The following TMEM132D variants were observed in gnomAD, a reference collection of about 807,000 sequenced individuals.
TMEM132D encodes mature OL transmembrane protein.
In TMEM132D, 21 loss-of-function variants were observed where a neutral mutation model predicts 62.3. That is an observed-to-expected ratio of 0.34 (90% CI 0.24 to 0.49). The LOEUF (loss-of-function observed/expected upper bound fraction) is 0.49, where lower values mean the gene tolerates loss of function less well. Ranked by LOEUF, TMEM132D falls within the 20% of genes least tolerant of loss-of-function variation. The pLI is 0.99. For synonymous variants in TMEM132D, 621 were observed against 575.6 expected, an observed-to-expected ratio of 1.08 and a Z score of -1.13; for missense variants, 1,346 against 1,402.8, an observed-to-expected ratio of 0.96 and a Z score of 0.65.
intron 5 of TMEM132D, among the ~76,000 whole-genome samples, chr12:129,138,160 C>CTGGTAAGG (rs1876640648): frequency 1.3e-5 from 2 of 152,074 alleles, no homozygotes; most frequent in African/African-American, 2.4e-5. Context: ...GTTAGATCAC[C>CTGGTAAGG]TTACCATTGC....
intron 1 of TMEM132D, among the ~76,000 whole-genome samples, chr12:129,881,711 A>T (rs978821406): frequency 6.6e-6 from 1 of 152,020 alleles, no homozygotes; most frequent in Non-Finnish European, 1.5e-5. Flanking sequence ...AACTGATCTA[A>T]TCTTCCACAT....
In TMEM132D at chr12:129,081,637, T is replaced by A. The variant is rs1874448699; in HGVS notation, c.1923+122A>T. ...TGCTTACTCCACAATTTCTTTGAAT[T>A]TACCCATCCTAAAAATAGATACCAT... On this transcript the variant is annotated intron_variant, in intron 7 of 8. Transcript: ENST00000422113. The A allele has an allele frequency of 8.7e-6, 12 of 1,375,162 alleles. 1 individual carries two copies. In the South Asian group the frequency reaches 1.8e-4, roughly 21 times the overall value. 85.2% of individuals were successfully genotyped at this position (1,375,162 alleles called of 1,614,324 possible).
intron 1 of TMEM132D, among the ~76,000 whole-genome samples, chr12:129,825,952 T>A (rs1872651955): frequency 6.6e-6 from 1 of 152,084 alleles, no homozygotes; most frequent in African/African-American, 2.4e-5. Flanking sequence ...TAATTCCAGC[T>A]ATTCATGAGG....
chr12:129,123,831 G>C (rs964446411), intron 5 of TMEM132D, among the ~76,000 whole-genome samples: 2 of 152,088 alleles, frequency 1.3e-5, no homozygotes, highest in Non-Finnish European at 1.5e-5. Context: ...ATCCATCACT[G>C]TCTCCCCTTG....
chr12:129,357,487 G>A (rs1359580800), intron 3 of TMEM132D, among the ~76,000 whole-genome samples: 1 of 147,666 alleles, frequency 6.8e-6, no homozygotes, highest in East Asian at 2.0e-4. Context: ...AAGGAGGAAG[G>A]GAGGGAAGGA....
intron 1 of TMEM132D, among the ~76,000 whole-genome samples, chr12:129,806,603 T>G (rs963916036): frequency 6.8e-6 from 1 of 146,958 alleles, no homozygotes; most frequent in Non-Finnish European, 1.5e-5. Context: ...AGATGATGAG[T>G]TAGTGGGTGC....
chr12:129,622,213 G>A (rs1326929276), intron 2 of TMEM132D, among the ~76,000 whole-genome samples: 2 of 152,172 alleles, frequency 1.3e-5, no homozygotes, highest in African/African-American at 2.4e-5. Context: ...AAGCCAGCAA[G>A]AGTCCACAAG....
intron 3 of TMEM132D, among the ~76,000 whole-genome samples, chr12:129,524,715 T>C (rs766673719): frequency 1.3e-5 from 2 of 151,556 alleles, no homozygotes; most frequent in South Asian, 2.1e-4. Context: ...CTGACAAATA[T>C]ATCTCTAAAG....
chr12:129,176,293 C>A (rs113942088), intron 5 of TMEM132D, among the ~76,000 whole-genome samples: 4 of 152,220 alleles, frequency 2.6e-5, no homozygotes, highest in African/African-American at 9.6e-5. Context: ...CCTGTATATC[C>A]CACCCCCCAA....
At chr12:129,157,201 G>A (rs1877273617) in intron 5 of TMEM132D, among the ~76,000 whole-genome samples, 1 of 152,218 alleles carries the variant, frequency 6.6e-6, no homozygotes, top group Non-Finnish European at 1.5e-5. Context: ...ACCCACTCCT[G>A]AGATATCTAA....
intron 4 of TMEM132D, among the ~76,000 whole-genome samples, chr12:129,313,518 T>C (rs1882031594): frequency 6.6e-6 from 1 of 151,912 alleles, no homozygotes; most frequent in Non-Finnish European, 1.5e-5. Context: ...TATGGCTGTG[T>C]AGTATTCCAT....
intron 5 of TMEM132D, among the ~76,000 whole-genome samples, chr12:129,156,405 ACC>A (rs1877246626): frequency 6.6e-6 from 1 of 152,172 alleles, no homozygotes; most frequent in South Asian, 2.1e-4. Flanking sequence ...AAGATAACCA[ACC>A]CACTCTCATG....
At chr12:129,187,747 A>C (rs1878258133) in intron 5 of TMEM132D, among the ~76,000 whole-genome samples, 1 of 152,204 alleles carries the variant, frequency 6.6e-6, no homozygotes, top group Non-Finnish European at 1.5e-5. Context: ...CATCCTTCCA[A>C]ATAGGACAAA....
intron 2 of TMEM132D, among the ~76,000 whole-genome samples, chr12:129,654,233 C>T (rs1880008338): frequency 6.6e-6 from 1 of 151,894 alleles, no homozygotes; most frequent in South Asian, 2.1e-4. Context: ...AGACATGTTC[C>T]CATCAGTCTC....
intron 2 of TMEM132D, among the ~76,000 whole-genome samples, chr12:129,694,964 C>A (rs780543540): frequency 6.6e-6 from 1 of 152,152 alleles, no homozygotes; most frequent in Admixed American, 6.5e-5. Flanking sequence ...GCCGAGACCA[C>A]GCCATTGCAC....
intron 1 of TMEM132D, among the ~76,000 whole-genome samples, chr12:129,714,949 C>A (rs1051665406): frequency 1.3e-5 from 2 of 152,108 alleles, no homozygotes; most frequent in Non-Finnish European, 2.9e-5. Context: ...CCTAACAATG[C>A]GTAAGCCGCT....
chr12:129,263,471 G>C (rs1880604059), intron 4 of TMEM132D, among the ~76,000 whole-genome samples: 1 of 152,140 alleles, frequency 6.6e-6, no homozygotes, highest in African/African-American at 2.4e-5. Flanking sequence ...GTAAGAGGTG[G>C]AGCTGAGATT....
At chr12:129,270,130 C>T (rs1439459254) in intron 4 of TMEM132D, among the ~76,000 whole-genome samples, 4 of 152,202 alleles carry the variant, frequency 2.6e-5, no homozygotes, top group Non-Finnish European at 5.9e-5. Context: ...GTTCCAGTGT[C>T]CTGTATGCAG....
chr12:129,398,452 T>C (rs114895180), intron 3 of TMEM132D, among the ~76,000 whole-genome samples: 113 of 152,290 alleles, frequency 7.4e-4, no homozygotes, highest in African/African-American at 2.6e-3. Context: ...GCACAATCTT[T>C]CCAAGAAGAC....
Sources: allele counts gnomAD v4.1 joint callset (sites outside exome capture counted in the v4.1 genomes callset), GRCh38; gene constraint gnomAD v4.1.1; transcripts MANE v1.5; gene names NCBI Gene and HGNC (gene_info 2026-07-23, HGNC 2026-07-21).